Variants in SLC1A3 observed in about 807,000 individuals in gnomAD.
SLC1A3 encodes the protein solute carrier family 1 member 3, also known as excitatory amino acid transporter 1.
Under a neutral mutation model 48.1 loss-of-function variants are expected in SLC1A3, and 21 were observed. The observed-to-expected ratio is 0.44, with a 90% CI of 0.31 to 0.63. The LOEUF (loss-of-function observed/expected upper bound fraction) is 0.63, where lower values mean the gene tolerates loss of function less well. Ranked by LOEUF, SLC1A3 falls within the 20% of genes least tolerant of loss-of-function variation. The probability of loss-of-function intolerance (pLI) is 0.08; values close to 1 mark genes in which losing one functional copy is unlikely to be tolerated. For missense variants in SLC1A3, 546 were observed against 689.0 expected, an observed-to-expected ratio of 0.79 and a Z score of 2.32; for synonymous variants, 239 against 251.4, an observed-to-expected ratio of 0.95 and a Z score of 0.47.
At chr5:36,658,371 G>C (rs988063785) in intron 3 of SLC1A3, among the ~76,000 whole-genome samples, 1 of 152,186 alleles carries the variant, frequency 6.6e-6, no homozygotes, top group Non-Finnish European at 1.5e-5. Flanking sequence ...GTTTGGGCCA[G>C]AGCGTGAGGA....
At chr5:36,618,597 CTT>C (rs1739540458) in intron 2 of SLC1A3, among the ~76,000 whole-genome samples, 2 of 152,132 alleles carry the variant, frequency 1.3e-5, no homozygotes, top group African/African-American at 4.8e-5. Flanking sequence ...CTAGAGCAAA[CTT>C]TACTCTTCAT....
chr5:36,662,434 A>G (rs1489698838), intron 3 of SLC1A3, among the ~76,000 whole-genome samples: 1 of 152,204 alleles, frequency 6.6e-6, no homozygotes, highest in Non-Finnish European at 1.5e-5. Flanking sequence ...TGAGGTAGCC[A>G]GAGAAAGGGT....
chr5:36,650,970 C>T (rs1312012979), intron 3 of SLC1A3, among the ~76,000 whole-genome samples: 2 of 152,100 alleles, frequency 1.3e-5, no homozygotes, highest in African/African-American at 4.8e-5. Flanking sequence ...GATTCTAAGC[C>T]TGTGTCCCAG....
chr5:36,679,480 C>T, intron 6 of SLC1A3, 147 bp from the exon 7 acceptor site: 1 of 695,690 alleles, frequency 1.4e-6, no homozygotes, highest in South Asian at 1.6e-5. Context: ...GAAAAGAAGT[C>T]CACAGTTTCT....
At chr5:36,604,871 A>C (rs1738861592), upstream of SLC1A3, among the ~76,000 whole-genome samples, 1 of 139,156 alleles carries the variant, frequency 7.2e-6, no homozygotes, top group Non-Finnish European at 1.5e-5. Context: ...CTTGCAATAC[A>C]AGTCAAAGTC....
chr5:36,605,016 A>T (rs1230464822), upstream of SLC1A3, among the ~76,000 whole-genome samples: 1 of 151,976 alleles, frequency 6.6e-6, no homozygotes, highest in Admixed American at 6.6e-5. Context: ...GGCTCCATGC[A>T]CCTAAACCAG....
chr5:36,609,718 T>C lies in SLC1A3; in HGVS notation c.181+1114T>C, dbSNP rs987359899. On this transcript the variant is annotated intron_variant, in intron 2 of 9. Transcript: ENST00000265113. ...TCCATTAGTAATCACTGGTGATTAA[T>C]GATGGTTCAATTAATTTAGAGATAT... is the stretch of plus-strand genomic sequence containing the variant. Among the ~76,000 whole-genome samples, 7 of 152,360 alleles carry C rather than the reference T, an allele frequency of 4.6e-5. No individual in the cohort carries two copies. The East Asian group carries it at 1.3e-3, about 29-fold the overall frequency.
intron 4 of SLC1A3, among the ~76,000 whole-genome samples, chr5:36,672,216 A>T (rs925359079): frequency 5.9e-5 from 9 of 152,160 alleles, no homozygotes; most frequent in African/African-American, 2.2e-4. Flanking sequence ...GAGCTCTGGG[A>T]GAATATAGAC....
intron 2 of SLC1A3, among the ~76,000 whole-genome samples, chr5:36,618,854 A>G (rs531792026): frequency 6.6e-6 from 1 of 152,366 alleles, no homozygotes; most frequent in East Asian, 1.9e-4. Context: ...AAGATTTTTA[A>G]AAATAACAAT....
intron 3 of SLC1A3, among the ~76,000 whole-genome samples, chr5:36,641,881 G>A (rs543444249): frequency 6.6e-6 from 1 of 152,138 alleles, no homozygotes. Context: ...CAATATAAAA[G>A]TAAAATTATA....
Position 36,686,912 on chromosome 5 carries a change from T to A in SLC1A3, c.*643T>A, listed in dbSNP as rs940721147. On this transcript the variant is annotated 3_prime_UTR_variant, in exon 10 of 10. Transcript: ENST00000265113. Reference sequence around the variant, plus strand: ...TGAGGGACTTCCCTAGAAGTCTTCATGGTCTCTTCCAGCCCAGACATCCTG... The same window carrying A: ...TGAGGGACTTCCCTAGAAGTCTTCAAGGTCTCTTCCAGCCCAGACATCCTG... 1 of 157,118 alleles carries A rather than the reference T, an allele frequency of 6.4e-6. No homozygotes were observed. The highest frequency in any genetic ancestry group is 2.4e-5 in the African/African-American group (1 of 41,502). The allele number at this position is 157,118 out of a possible 1,614,324, so 9.7% of individuals were successfully genotyped here. A position where few individuals can be genotyped will look rare whatever the true frequency, so the allele number is the denominator to read the frequency against.
At chr5:36,621,361 A>G (rs890734367) in intron 2 of SLC1A3, among the ~76,000 whole-genome samples, 1 of 152,166 alleles carries the variant, frequency 6.6e-6, no homozygotes, top group South Asian at 2.1e-4. Flanking sequence ...GAGGGAGCAG[A>G]GTAGGAGATG....
At chr5:36,684,054 T>C in intron 9 of SLC1A3, 56 bp downstream of exon 9, 1 of 1,608,200 alleles carries the variant, frequency 6.2e-7, no homozygotes, top group Non-Finnish European at 8.5e-7. Flanking sequence ...CCTCTGTCAC[T>C]CTAGGGCACC....
Position 36,680,308 on chromosome 5 carries a change from A to C in SLC1A3, c.1095-87A>C, listed in dbSNP as rs554866506. ...CTTTAAGTTAGAACATGGGAGAGGA[A>C]GGAACTGTCTGTCCCAAAGACCAAA... On this transcript the variant is annotated intron_variant, in intron 7 of 9. Transcript: ENST00000265113. 3 of 1,077,416 alleles carry C rather than the reference A, an allele frequency of 2.8e-6. No homozygotes were observed. The South Asian group carries it at 3.8e-5, about 14-fold the overall frequency. The allele number at this position is 1,077,416 out of a possible 1,614,324, so 66.7% of individuals were successfully genotyped here.
chr5:36,684,237 A>C (rs1742555301), intron 9 of SLC1A3, among the ~76,000 whole-genome samples: 1 of 151,906 alleles, frequency 6.6e-6, no homozygotes, highest in Non-Finnish European at 1.5e-5. Flanking sequence ...CACACATCTC[A>C]CTCCATAAAG....
chr5:36,679,023 T>C (rs565702439), intron 6 of SLC1A3, among the ~76,000 whole-genome samples: 1 of 152,340 alleles, frequency 6.6e-6, no homozygotes, highest in East Asian at 1.9e-4. Context: ...TACTAAGTAA[T>C]CTTGTAAGTG....
At chr5:36,680,133 G>T (rs1383261965) in intron 7 of SLC1A3, among the ~76,000 whole-genome samples, 2 of 152,188 alleles carry the variant, frequency 1.3e-5, no homozygotes, top group Admixed American at 1.3e-4. Flanking sequence ...GAGGCAGAGT[G>T]ACTTGGCACA....
intron 2 of SLC1A3, among the ~76,000 whole-genome samples, chr5:36,611,632 C>G (rs1739201901): frequency 6.6e-6 from 1 of 152,116 alleles, no homozygotes; most frequent in Non-Finnish European, 1.5e-5. Context: ...GAACACAGTG[C>G]CAAGCTCCAC....
intron 2 of SLC1A3, chr5:36,612,834 T>G (rs553922175): frequency 2.2e-6 from 1 of 456,140 alleles, no homozygotes; most frequent in East Asian, 7.0e-5. Context: ...AGGTGCTCAT[T>G]CACCACACTG....
Sources: allele counts gnomAD v4.1 joint callset (sites outside exome capture counted in the v4.1 genomes callset), GRCh38; gene constraint gnomAD v4.1.1; transcripts MANE v1.5; gene names NCBI Gene and HGNC (gene_info 2026-07-23, HGNC 2026-07-21).